The following MCC variants were observed in gnomAD, a reference collection of about 807,000 sequenced individuals.
MCC encodes colorectal mutant cancer protein.
A neutral mutation model predicts 116.2 loss-of-function variants in MCC; 90 were observed. That is an observed-to-expected ratio of 0.77 (90% CI 0.65 to 0.92). The LOEUF is 0.92. Ranked by LOEUF, MCC falls within the 40% of genes least tolerant of loss-of-function variation. The probability of loss-of-function intolerance (pLI) is 0.00; values close to 1 mark genes in which losing one functional copy is unlikely to be tolerated. For missense variants in MCC, 1,516 were observed against 1,312.2 expected (o/e 1.16, Z -2.40); for synonymous variants, 578 against 510.5 (o/e 1.13, Z -1.78).
intron 3 of MCC, among the ~76,000 whole-genome samples, chr5:113,191,698 G>A (rs115598710): frequency 6.6e-6 from 1 of 152,326 alleles, no homozygotes; most frequent in African/African-American, 2.4e-5. Context: ...TTTTAAGACA[G>A]CAGGATGCAA....
intron 15 of MCC, among the ~76,000 whole-genome samples, chr5:113,051,781 C>T (rs1752505633): frequency 6.6e-6 from 1 of 152,076 alleles, no homozygotes; most frequent in African/African-American, 2.4e-5. Flanking sequence ...TGAAAAGGAA[C>T]CAAGCACATC....
chr5:113,439,176 C>G (rs1019987217), intron 1 of MCC, among the ~76,000 whole-genome samples: 6 of 152,194 alleles, frequency 3.9e-5, no homozygotes, highest in Non-Finnish European at 8.8e-5. Context: ...GTATAAGGAG[C>G]CTGGGTTGCT....
chr5:113,203,864 T>A (rs1173660310), intron 3 of MCC, among the ~76,000 whole-genome samples: 1 of 152,232 alleles, frequency 6.6e-6, no homozygotes, highest in South Asian at 2.1e-4. Context: ...CAGATTAATG[T>A]GGACATAATA....
chr5:113,122,627 T>C, intron 6 of MCC, 57 bp downstream of exon 6: 1 of 1,590,872 alleles, frequency 6.3e-7, no homozygotes, highest in Non-Finnish European at 8.6e-7. Flanking sequence ...TTTCTAAAAT[T>C]TCTATTACAA....
chr5:113,457,595 C>A (rs1195537159), intron 1 of MCC, among the ~76,000 whole-genome samples: 2 of 152,294 alleles, frequency 1.3e-5, no homozygotes, highest in African/African-American at 4.8e-5. Context: ...CTGGGTGAAG[C>A]CAGCTGGGCT....
intron 1 of MCC, among the ~76,000 whole-genome samples, chr5:113,478,382 C>A (rs990086082): frequency 6.6e-6 from 1 of 152,084 alleles, no homozygotes; most frequent in Non-Finnish European, 1.5e-5. Flanking sequence ...TGGTAAGAAA[C>A]GGTTGGATAT....
chr5:113,346,113 G>A (rs937114189), intron 2 of MCC, among the ~76,000 whole-genome samples: 2 of 152,156 alleles, frequency 1.3e-5, no homozygotes, highest in African/African-American at 4.8e-5. Flanking sequence ...GTATCAAACA[G>A]ATCTCTCTCC....
intron 3 of MCC, among the ~76,000 whole-genome samples, chr5:113,276,123 C>A (rs2150355165): frequency 6.6e-6 from 1 of 152,252 alleles, no homozygotes; most frequent in South Asian, 2.1e-4. Context: ...AACAGCACAG[C>A]AGCCCATGCT....
In MCC at chr5:113,433,572, A is replaced by G. The variant is rs904877960; in HGVS notation, c.171-48360T>C. ...CTTTGGCCTCATCCACCTAGGGGCC[A>G]CGGGAGAACCATGTGGGTTACCAAG... is the stretch of plus-strand genomic sequence containing the variant. On this transcript the variant is annotated intron_variant, in intron 1 of 18. Coordinates refer to ENST00000408903, the MANE Select transcript of MCC (RefSeq NM_001085377.2). 1.4e-5 allele frequency: 13 copies of G among 911,528 alleles called. No homozygotes were observed. In the African/African-American group the frequency reaches 2.0e-4, roughly 14 times the overall value. The allele number at this position is 911,528 out of a possible 1,614,324, so 56.5% of individuals were successfully genotyped here. A position where few individuals can be genotyped will look rare whatever the true frequency, so the allele number is the denominator to read the frequency against.
chr5:113,136,549 A>G (rs558999407), intron 5 of MCC, among the ~76,000 whole-genome samples: 1 of 152,260 alleles, frequency 6.6e-6, no homozygotes, highest in East Asian at 1.9e-4. Flanking sequence ...TTTACCTGCT[A>G]GGAGTGCAAG....
intron 1 of MCC, among the ~76,000 whole-genome samples, chr5:113,487,403 T>C (rs181473175): frequency 1.0e-3 from 156 of 152,366 alleles, no homozygotes; most frequent in Non-Finnish European, 1.9e-3. Context: ...CCAGAAAATG[T>C]TGCGATTGCC....
intron 3 of MCC, among the ~76,000 whole-genome samples, chr5:113,310,110 GC>G (rs1288280114): frequency 6.6e-6 from 1 of 152,222 alleles, no homozygotes; most frequent in Non-Finnish European, 1.5e-5. Flanking sequence ...GTGGAAGCCT[GC>G]TATGGTTTGA....
chr5:113,163,004 G>T (rs1251342623), intron 3 of MCC, among the ~76,000 whole-genome samples: 1 of 152,114 alleles, frequency 6.6e-6, no homozygotes, highest in Non-Finnish European at 1.5e-5. Context: ...CTTTCAACAC[G>T]TGTAATTGAA....
At chr5:113,413,333 T>A (rs1158449034) in intron 1 of MCC, among the ~76,000 whole-genome samples, 1 of 152,192 alleles carries the variant, frequency 6.6e-6, no homozygotes, top group African/African-American at 2.4e-5. Context: ...TTGGAATAGT[T>A]TCAGAAGGAA....
chr5:113,446,929 G>C (rs1472162499), intron 1 of MCC, among the ~76,000 whole-genome samples: 2 of 152,022 alleles, frequency 1.3e-5, no homozygotes, highest in Non-Finnish European at 2.9e-5. Context: ...ACCTGCACAT[G>C]TACCCCCTGA....
intron 8 of MCC, among the ~76,000 whole-genome samples, chr5:113,092,176 G>T (rs1195300086): frequency 6.6e-6 from 1 of 152,056 alleles, no homozygotes; most frequent in African/African-American, 2.4e-5. Flanking sequence ...GCCTTGTACG[G>T]CAAAAGGGAA....
chr5:113,158,239 G>A (rs1002957185), intron 3 of MCC, among the ~76,000 whole-genome samples: 15 of 152,240 alleles, frequency 9.9e-5, no homozygotes, highest in African/African-American at 3.4e-4. Context: ...TTCTAGCTGA[G>A]CCACTTGCTT....
At chr5:113,398,528 G>T (rs1769594558) in intron 1 of MCC, among the ~76,000 whole-genome samples, 1 of 152,174 alleles carries the variant, frequency 6.6e-6, no homozygotes, top group Non-Finnish European at 1.5e-5. Context: ...GTCCTTTGCA[G>T]CAACATGAAT....
chr5:113,069,368 A>C (rs909691870), intron 12 of MCC, among the ~76,000 whole-genome samples: 3 of 152,272 alleles, frequency 2.0e-5, no homozygotes, highest in Non-Finnish European at 4.4e-5. Context: ...ATCAAACAAC[A>C]GTCCCTTTCC....
Sources: allele counts gnomAD v4.1 joint callset (sites outside exome capture counted in the v4.1 genomes callset), GRCh38; gene constraint gnomAD v4.1.1; transcripts MANE v1.5; gene names NCBI Gene and HGNC (gene_info 2026-07-23, HGNC 2026-07-21).